SNX27: variants seen among roughly 807,000 people sequenced by gnomAD.
The protein encoded by SNX27 is sorting nexin-27.
A neutral mutation model predicts 71.6 loss-of-function variants in SNX27; 22 were observed. That is an observed-to-expected ratio of 0.31 (90% CI 0.22 to 0.44). The LOEUF (loss-of-function observed/expected upper bound fraction) is 0.44, where lower values mean the gene tolerates loss of function less well. Among genes scored for constraint, SNX27 ranks in the 20% least tolerant of loss-of-function variants. The probability of loss-of-function intolerance (pLI) is 1.00; values close to 1 mark genes in which losing one functional copy is unlikely to be tolerated. For synonymous variants in SNX27, 269 were observed against 277.2 expected, an observed-to-expected ratio of 0.97 and a Z score of 0.29; for missense variants, 531 against 698.6, an observed-to-expected ratio of 0.76 and a Z score of 2.70.
At chr1:151,613,964 T>G (rs1327546160) in intron 1 of SNX27, 1 of 152,206 alleles carries the variant, frequency 6.6e-6, no homozygotes, top group Non-Finnish European at 1.5e-5. Context: ...AATTGTAATT[T>G]CCGCAACCTT....
rs563129249 is a variant in SNX27, at chr1:151,667,574, C to T, written c.986-898C>T. On this transcript the variant is annotated intron_variant, in intron 6 of 11. Coordinates refer to ENST00000458013, the MANE Select transcript of SNX27 (RefSeq NM_001330723.2). ...GGCGCGGTGGCTCACGCCTGTAATC[C>T]CAGCACTTTGGGAGGCCGAGGCGGG... Among the ~76,000 whole-genome samples, 33 of 142,140 alleles carry T rather than the reference C, an allele frequency of 2.3e-4. No homozygotes were observed. The South Asian group carries it at 7.1e-3, about 31-fold the overall frequency. The allele number at this position is 142,140 out of a possible 152,430, so 93.2% of individuals were successfully genotyped here. A position where few individuals can be genotyped will look rare whatever the true frequency, so the allele number is the denominator to read the frequency against.
intron 2 of SNX27, among the ~76,000 whole-genome samples, chr1:151,641,598 G>GATATAGATATATATATATATATAT (rs1668722508): frequency 1.3e-5 from 1 of 78,994 alleles, no homozygotes; most frequent in Non-Finnish European, 2.5e-5. Flanking sequence ...TCCTTTATCA[G>GATATAGATATATATATATATATAT]ATATATATAT....
At chr1:151,640,523 C>T (rs1186715597) in intron 2 of SNX27, among the ~76,000 whole-genome samples, 1 of 151,874 alleles carries the variant, frequency 6.6e-6, no homozygotes, top group Non-Finnish European at 1.5e-5. Context: ...TACAGGTGCG[C>T]ACCACCATGC....
At chr1:151,675,838 T>A (rs1490350027) in intron 7 of SNX27, 1 of 120,386 alleles carries the variant, frequency 8.3e-6, no homozygotes, top group East Asian at 2.5e-4. Flanking sequence ...TTTTTTTTTT[T>A]TTTTTTTATA....
intron 7 of SNX27, among the ~76,000 whole-genome samples, chr1:151,671,193 A>C (rs1571852309): frequency 6.7e-6 from 1 of 149,340 alleles, no homozygotes; most frequent in Non-Finnish European, 1.5e-5. Flanking sequence ...ATAGTTCTGT[A>C]GTATAATTTG....
rs1337853951 is a variant in SNX27 at position 151,692,898 on chromosome 1, C to T, written c.1390-13C>T. ...CACAGACTGTACCTTACTCCCTTGTCTTGGTTGTCCAGAACCAGGTAATTG... is the reference window on the plus strand; with the variant it reads ...CACAGACTGTACCTTACTCCCTTGTTTTGGTTGTCCAGAACCAGGTAATTG... On this transcript the variant is annotated splice_polypyrimidine_tract_variant and intron_variant, in intron 9 of 11. Coordinates refer to ENST00000458013, the MANE Select transcript of SNX27 (RefSeq NM_001330723.2). 2 of 1,614,022 alleles carry T rather than the reference C, an allele frequency of 1.2e-6. No individual in the cohort carries two copies. The highest frequency in any genetic ancestry group is 1.7e-6 in the Non-Finnish European group (2 of 1,180,002).
intron 1 of SNX27, among the ~76,000 whole-genome samples, chr1:151,616,656 C>T (rs891562059): frequency 6.6e-6 from 1 of 152,122 alleles, no homozygotes; most frequent in Non-Finnish European, 1.5e-5. Flanking sequence ...GACTAGGTAC[C>T]GTCTCAAAAG....
chr1:151,623,324 T>C (rs935752652), intron 1 of SNX27, among the ~76,000 whole-genome samples: 4 of 152,156 alleles, frequency 2.6e-5, no homozygotes, highest in Non-Finnish European at 4.4e-5. Context: ...GTATTTTTAG[T>C]AGAGACGGGG....
intron 8 of SNX27, among the ~76,000 whole-genome samples, chr1:151,687,748 ACCATCC>A (rs1246007439): frequency 2.0e-5 from 3 of 152,124 alleles, no homozygotes; most frequent in African/African-American, 7.2e-5. Flanking sequence ...GGAGATCGAA[ACCATCC>A]TGGCTAACAC....
At chr1:151,680,435 C>T (rs12723676) in intron 7 of SNX27, 61,780 of 151,966 alleles carry the variant, frequency 0.41, 14,413 homozygotes, top group Non-Finnish European at 0.55. Context: ...GGATTGCAGG[C>T]GTGAGCTACC....
intron 2 of SNX27, among the ~76,000 whole-genome samples, chr1:151,653,464 T>C (rs931568373): frequency 6.6e-6 from 1 of 152,166 alleles, no homozygotes; most frequent in African/African-American, 2.4e-5. Context: ...TAGCAATGGG[T>C]TGCTATTACC....
chr1:151,668,501 C>T lies in SNX27; in HGVS notation c.1015C>T (p.His339Tyr). 1 of 1,613,064 alleles carries T rather than the reference C, an allele frequency of 6.2e-7. No individual in the cohort carries two copies. The highest frequency in any genetic ancestry group is 8.5e-7 in the Non-Finnish European group (1 of 1,179,652). Residue 339 changes from histidine (H) to tyrosine (Y), a missense_variant, in exon 7 of 12, where the codon CAC (histidine) becomes TAC (tyrosine). Transcript: ENST00000458013. ...TAAATTGGCACCTAATGAGTTTCCT[C>T]ACAAACTCTACATTCAGAATTATAC... The part of the protein sequence containing the change: ...VRKLAPNEFP[H>Y]KLYIQNYTSA...
At chr1:151,648,683 T>G (rs1669178423) in intron 2 of SNX27, among the ~76,000 whole-genome samples, 1 of 152,186 alleles carries the variant, frequency 6.6e-6, no homozygotes, top group Non-Finnish European at 1.5e-5. Context: ...CCTCCCAAAG[T>G]GCTGGGATTA....
intron 7 of SNX27, among the ~76,000 whole-genome samples, chr1:151,670,355 A>G (rs1193886835): frequency 6.6e-6 from 1 of 152,224 alleles, no homozygotes; most frequent in Admixed American, 6.5e-5. Flanking sequence ...TGCAGCAAAC[A>G]TGGGAATGTG....
intron 2 of SNX27, among the ~76,000 whole-genome samples, chr1:151,652,530 T>C (rs2102664010): frequency 6.7e-6 from 1 of 149,508 alleles, no homozygotes; most frequent in East Asian, 2.1e-4. Context: ...TGCCTTAGCC[T>C]CCCGAGTAGC....
chr1:151,664,926 G>A (rs969860357), intron 5 of SNX27, among the ~76,000 whole-genome samples: 3 of 152,062 alleles, frequency 2.0e-5, no homozygotes, highest in Admixed American at 6.6e-5. Flanking sequence ...AACCTTGAAA[G>A]CATTTTAATT....
intron 3 of SNX27, 99 bp from the exon 4 acceptor site, chr1:151,660,699 C>G: frequency 1.1e-6 from 1 of 920,752 alleles, no homozygotes. Context: ...ATGATTTAAA[C>G]TTAAAACTGA....
chr1:151,658,454 T>G, intron 3 of SNX27, 27 bp downstream of exon 3: 1 of 1,592,038 alleles, frequency 6.3e-7, no homozygotes, highest in African/African-American at 1.3e-5. Flanking sequence ...AACTCTACTA[T>G]ATTGAGTAGA....
In SNX27 at chr1:151,621,060, C is replaced by T. The variant is rs554161102; in HGVS notation, c.311+8548C>T. Among the ~76,000 whole-genome samples, 12 of 152,008 alleles carry T rather than the reference C, an allele frequency of 7.9e-5. No individual in the cohort carries two copies. In the South Asian group the frequency reaches 1.9e-3, roughly 24 times the overall value. ...TGTTGGGAGCTGAGTGGACTGAAGA[C>T]GGGGGGGAAACTTAATGTGGTACTA... On this transcript the variant is annotated intron_variant, in intron 1 of 11. Coordinates refer to ENST00000458013, the MANE Select transcript of SNX27 (RefSeq NM_001330723.2).
Sources: gnomAD v4.1 joint callset for allele counts (sites outside exome capture counted in the v4.1 genomes callset) on GRCh38, gnomAD v4.1.1 for gene constraint, MANE v1.5 for transcripts, NCBI Gene and HGNC (gene_info 2026-07-23, HGNC 2026-07-21) for gene names.